Variants in SGCZ observed in about 807,000 individuals in gnomAD.
The protein encoded by SGCZ is sarcoglycan zeta.
SGCZ carries 40 observed loss-of-function variants against 41.3 expected under a neutral mutation model. The ratio of observed to expected loss-of-function variants is 0.97; its 90% CI spans 0.75 to 1.26. The LOEUF is 1.26. Ranked by LOEUF, SGCZ falls within the 50% of genes most tolerant of loss-of-function variation. SGCZ has a pLI of 0.00. For missense variants in SGCZ, 552 were observed against 369.8 expected (o/e 1.49, Z -4.04); for synonymous variants, 206 against 137.5 (o/e 1.50, Z -3.49).
At chr8:14,947,513 G>A (rs911606576) in intron 1 of SGCZ, among the ~76,000 whole-genome samples, 3 of 152,232 alleles carry the variant, frequency 2.0e-5, no homozygotes, top group Non-Finnish European at 4.4e-5. Flanking sequence ...AAAGTGGTGT[G>A]GTGCTGAGGT....
chr8:14,344,858 AG>A (rs568681654), intron 2 of SGCZ, among the ~76,000 whole-genome samples: 30 of 152,052 alleles, frequency 2.0e-4, no homozygotes, highest in Non-Finnish European at 4.1e-4. Flanking sequence ...AATAATCTCA[AG>A]TTTAGGAGAG....
At chr8:14,251,994 G>C (rs1164859857) in intron 3 of SGCZ, among the ~76,000 whole-genome samples, 1 of 152,102 alleles carries the variant, frequency 6.6e-6, no homozygotes, top group Admixed American at 6.5e-5. Flanking sequence ...ACAGGCGTGA[G>C]CCACCGTGCC....
intron 1 of SGCZ, among the ~76,000 whole-genome samples, chr8:14,677,972 C>A (rs948843801): frequency 6.6e-6 from 1 of 152,082 alleles, no homozygotes; most frequent in African/African-American, 2.4e-5. Flanking sequence ...AGCAATATAA[C>A]AGCAAAGTGC....
chr8:14,277,624 AG>A (rs1380024849), intron 3 of SGCZ, among the ~76,000 whole-genome samples: 1 of 152,152 alleles, frequency 6.6e-6, no homozygotes, highest in Non-Finnish European at 1.5e-5. Flanking sequence ...AAGCAACACA[AG>A]TATTGGGATA....
At chr8:14,358,185 A>T (rs1480499920) in intron 2 of SGCZ, among the ~76,000 whole-genome samples, 3 of 152,198 alleles carry the variant, frequency 2.0e-5, no homozygotes, top group African/African-American at 7.2e-5. Flanking sequence ...GCCGTGGGCT[A>T]AACATTCAAG....
At chr8:14,777,188 G>C (rs1328042920) in intron 1 of SGCZ, among the ~76,000 whole-genome samples, 1 of 152,132 alleles carries the variant, frequency 6.6e-6, no homozygotes, top group African/African-American at 2.4e-5. Flanking sequence ...TCCATCCTAA[G>C]AGAAACTAGG....
chr8:14,221,577 G>C (rs575892180), intron 4 of SGCZ, among the ~76,000 whole-genome samples: 4 of 152,302 alleles, frequency 2.6e-5, no homozygotes, highest in African/African-American at 9.6e-5. Flanking sequence ...TACATGGATT[G>C]TTTGAATTAC....
intron 1 of SGCZ, among the ~76,000 whole-genome samples, chr8:15,186,802 A>C (rs893461496): frequency 2.0e-5 from 3 of 152,206 alleles, no homozygotes; most frequent in African/African-American, 7.2e-5. Flanking sequence ...GAAGTCTACA[A>C]CATTGATTTT....
chr8:15,083,380 A>C (rs1293500969), intron 1 of SGCZ, among the ~76,000 whole-genome samples: 1 of 152,184 alleles, frequency 6.6e-6, no homozygotes, highest in East Asian at 1.9e-4. Flanking sequence ...TATAGCCTAA[A>C]CTTTTTTCAT....
intron 5 of SGCZ, among the ~76,000 whole-genome samples, chr8:14,119,262 C>T (rs1459639394): frequency 2.6e-5 from 4 of 151,940 alleles, no homozygotes; most frequent in South Asian, 2.1e-4. Context: ...TAATTCTCCT[C>T]GAAGAAGTCC....
At chr8:14,235,905 G>A (rs995985748) in intron 4 of SGCZ, among the ~76,000 whole-genome samples, 2 of 152,090 alleles carry the variant, frequency 1.3e-5, no homozygotes, top group African/African-American at 4.8e-5. Flanking sequence ...GGATGATCTC[G>A]ATTTCTTGAC....
chr8:14,993,197 C>T (rs972529972), intron 1 of SGCZ, among the ~76,000 whole-genome samples: 5 of 152,282 alleles, frequency 3.3e-5, no homozygotes, highest in Middle Eastern at 3.4e-3. Context: ...CTTTAACTCA[C>T]GAAGAGTAAC....
rs575796180 is a variant in SGCZ at position 14,569,765 on chromosome 8, G to A, written c.40-14839C>T. Among the ~76,000 whole-genome samples, 3 of 152,298 alleles carry A rather than the reference G, an allele frequency of 2.0e-5. 1 individual carries two copies. The highest frequency in any genetic ancestry group is 7.2e-5 in the African/African-American group (3 of 41,582). Reference sequence around the variant, plus strand: ...TTTGAAAACTGAAGTTTTGAGTAAAGTCCAGGAGGTCGTGAAGGAGGGAGC... The same window carrying A: ...TTTGAAAACTGAAGTTTTGAGTAAAATCCAGGAGGTCGTGAAGGAGGGAGC... On this transcript the variant is annotated intron_variant, in intron 1 of 7. Transcript: ENST00000382080.
At chr8:14,489,439 T>A (rs1029183340) in intron 2 of SGCZ, among the ~76,000 whole-genome samples, 6 of 152,136 alleles carry the variant, frequency 3.9e-5, no homozygotes, top group African/African-American at 1.4e-4. Flanking sequence ...AGATTGACTT[T>A]TTTGCTTCAA....
At chr8:14,209,180 T>C (rs937916969) in intron 4 of SGCZ, among the ~76,000 whole-genome samples, 1 of 152,212 alleles carries the variant, frequency 6.6e-6, no homozygotes, top group African/African-American at 2.4e-5. Flanking sequence ...CCCAGAACGT[T>C]ATGTAAACGT....
At chr8:15,186,693 T>A (rs955746882) in intron 1 of SGCZ, among the ~76,000 whole-genome samples, 1 of 152,206 alleles carries the variant, frequency 6.6e-6, no homozygotes, top group Non-Finnish European at 1.5e-5. Context: ...AAGTATTTAT[T>A]GAGTGCATGA....
intron 1 of SGCZ, among the ~76,000 whole-genome samples, chr8:14,986,038 G>C (rs1217030342): frequency 6.6e-6 from 1 of 151,660 alleles, no homozygotes; most frequent in African/African-American, 2.4e-5. Context: ...ACATTTTTAA[G>C]TTTGATATTA....
intron 1 of SGCZ, among the ~76,000 whole-genome samples, chr8:14,682,601 A>G (rs1452150012): frequency 6.6e-6 from 1 of 151,850 alleles, no homozygotes; most frequent in Non-Finnish European, 1.5e-5. Flanking sequence ...CGCCCGGCTA[A>G]TTTTTTGTAT....
At chr8:14,943,025 C>G (rs1800328174) in intron 1 of SGCZ, among the ~76,000 whole-genome samples, 1 of 152,138 alleles carries the variant, frequency 6.6e-6, no homozygotes, top group Admixed American at 6.6e-5. Flanking sequence ...CATTTTCTAA[C>G]TGTGAAAAAT....
Sources: gnomAD v4.1 joint callset for allele counts (sites outside exome capture counted in the v4.1 genomes callset) on GRCh38, gnomAD v4.1.1 for gene constraint, MANE v1.5 for transcripts, NCBI Gene and HGNC (gene_info 2026-07-23, HGNC 2026-07-21) for gene names.